COL5A2: variants seen among roughly 807,000 people sequenced by gnomAD.
COL5A2 encodes collagen type V alpha 2 chain.
Under a neutral mutation model 208.2 loss-of-function variants are expected in COL5A2, and 23 were observed. The observed-to-expected ratio is 0.11, with a 90% confidence interval of 0.08 to 0.16. The LOEUF is 0.16. Ranked by LOEUF, COL5A2 falls within the 10% of genes least tolerant of loss-of-function variation. The pLI, the probability that COL5A2 is intolerant of heterozygous loss-of-function variation, is 1.00. For missense variants in COL5A2, 1,590 were observed against 1,956.4 expected (o/e 0.81, Z 3.53); for synonymous variants, 625 against 628.5 (o/e 0.99, Z 0.08).
intron 1 of COL5A2, among the ~76,000 whole-genome samples, chr2:189,223,520 G>T (rs549847252): frequency 1.3e-5 from 2 of 152,288 alleles, no homozygotes; most frequent in African/African-American, 4.8e-5. Context: ...ACATGCACAA[G>T]AATATTTATA....
chr2:189,289,590 A>T, the COL5A2 span, among the ~76,000 whole-genome samples: 2 of 152,184 alleles, frequency 1.3e-5, no homozygotes, highest in African/African-American at 4.8e-5. Context: ...AGAGAAGTTA[A>T]ATCATTCCTG....
Position 189,036,942 on chromosome 2 carries a change from A to G in COL5A2, c.3926-139T>C, listed in dbSNP as rs149056709. 3.9e-3 allele frequency: 2,770 copies of G among 716,406 alleles called. 64 individuals carry two copies. The African/African-American group carries it at 0.04, about 10-fold the overall frequency. 44.4% of individuals were successfully genotyped at this position (716,406 alleles called of 1,614,324 possible). A position where few individuals can be genotyped will look rare whatever the true frequency, so the allele number is the denominator to read the frequency against. ...TTTAAGTGAGAGTGCCCCTTACGAA[A>G]AAAGTAACCGGTATGCATTGGGGGC... On this transcript the variant is annotated intron_variant, in intron 51 of 53. Transcript: ENST00000374866.
At chr2:189,438,337 T>C in the COL5A2 span, among the ~76,000 whole-genome samples, 2 of 152,240 alleles carry the variant, frequency 1.3e-5, no homozygotes, top group Admixed American at 1.3e-4. Context: ...CATACACTTA[T>C]GATTTGAGCA....
At chr2:189,289,421 T>C in the COL5A2 span, among the ~76,000 whole-genome samples, 1 of 152,140 alleles carries the variant, frequency 6.6e-6, no homozygotes, top group East Asian at 1.9e-4. Flanking sequence ...GGCTCACTTC[T>C]AACATCATAC....
chr2:189,425,323 T>C, the COL5A2 span, among the ~76,000 whole-genome samples: 1 of 152,110 alleles, frequency 6.6e-6, no homozygotes, highest in Non-Finnish European at 1.5e-5. Context: ...ATGAAACTAT[T>C]ATATGATCGA....
chr2:189,153,970 C>G (rs1294325443), intron 1 of COL5A2, among the ~76,000 whole-genome samples: 5 of 152,102 alleles, frequency 3.3e-5, no homozygotes, highest in Non-Finnish European at 7.4e-5. Flanking sequence ...TTCCAATATT[C>G]CCTGGCTATG....
At chr2:189,256,335 C>T in the COL5A2 span, among the ~76,000 whole-genome samples, 1 of 152,164 alleles carries the variant, frequency 6.6e-6, no homozygotes, top group Admixed American at 6.5e-5. Context: ...TTATACTCTG[C>T]AGTGCTATTT....
At chr2:189,414,536 G>T in the COL5A2 span, among the ~76,000 whole-genome samples, 3 of 152,010 alleles carry the variant, frequency 2.0e-5, no homozygotes, top group Middle Eastern at 3.4e-3. Flanking sequence ...ATCACTTTAG[G>T]TCAGGAGTTC....
chr2:189,423,339 A>G, the COL5A2 span, among the ~76,000 whole-genome samples: 1 of 152,018 alleles, frequency 6.6e-6, no homozygotes, highest in South Asian at 2.1e-4. Flanking sequence ...CTAAAAAAAT[A>G]GGAAAAAATT....
intron 50 of COL5A2, among the ~76,000 whole-genome samples, chr2:189,040,165 T>C (rs1363797017): frequency 6.6e-6 from 1 of 152,122 alleles, no homozygotes; most frequent in Non-Finnish European, 1.5e-5. Flanking sequence ...AGTATTGGTT[T>C]TTAGAGACAG....
At chr2:189,242,391 G>T in the COL5A2 span, among the ~76,000 whole-genome samples, 1 of 152,126 alleles carries the variant, frequency 6.6e-6, no homozygotes, top group Non-Finnish European at 1.5e-5. Flanking sequence ...AAGCTGTCTT[G>T]CTCACAGCTA....
the COL5A2 span, among the ~76,000 whole-genome samples, chr2:189,407,439 G>A: frequency 2.3e-4 from 35 of 151,668 alleles, no homozygotes; most frequent in African/African-American, 7.7e-4. Flanking sequence ...AATACCTAAA[G>A]AGAGGTTCCC....
chr2:189,376,675 TG>T, the COL5A2 span, among the ~76,000 whole-genome samples: 2 of 152,326 alleles, frequency 1.3e-5, no homozygotes, highest in Admixed American at 1.3e-4. Context: ...ATATTATCTA[TG>T]CAGTTGTAAG....
At chr2:189,341,489 A>T in the COL5A2 span, among the ~76,000 whole-genome samples, 2 of 152,216 alleles carry the variant, frequency 1.3e-5, no homozygotes, top group Non-Finnish European at 2.9e-5. Context: ...GTAAAAGCAA[A>T]TATCAGTTTT....
In COL5A2 at chr2:189,120,345, A is replaced by G. The variant is rs541333305; in HGVS notation, c.98-9896T>C. Among the ~76,000 whole-genome samples, 126 of 152,246 alleles carry G rather than the reference A, an allele frequency of 8.3e-4. 4 individuals carry two copies. The South Asian group carries it at 0.024, about 29-fold the overall frequency. On this transcript the variant is annotated intron_variant, in intron 1 of 53. Transcript: ENST00000374866. The stretch of plus-strand genomic sequence containing the variant: ...CTATTTTTTCATTTCTCTAACCTAT[A>G]TGTATCCTGGGGCCTTTTGAATTAT...
chr2:189,305,832 A>C, the COL5A2 span, among the ~76,000 whole-genome samples: 3 of 144,842 alleles, frequency 2.1e-5, no homozygotes, highest in African/African-American at 7.5e-5. Context: ...AAAAAAAAAA[A>C]CTAGACATAT....
intron 1 of COL5A2, among the ~76,000 whole-genome samples, chr2:189,177,365 C>G (rs1051111669): frequency 2.6e-5 from 4 of 152,094 alleles, no homozygotes; most frequent in African/African-American, 9.7e-5. Flanking sequence ...TAGGCCTGAA[C>G]AGGAAAAAGA....
At chr2:189,084,272 A>G (rs1262110464) in intron 11 of COL5A2, among the ~76,000 whole-genome samples, 1 of 152,204 alleles carries the variant, frequency 6.6e-6, no homozygotes, top group African/African-American at 2.4e-5. Context: ...AGAAGAATAA[A>G]TTGTTGAAAA....
the COL5A2 span, among the ~76,000 whole-genome samples, chr2:189,275,935 A>C: frequency 6.6e-6 from 1 of 152,188 alleles, no homozygotes; most frequent in Non-Finnish European, 1.5e-5. Flanking sequence ...AAATACAAAA[A>C]AATACAGAAA....
Sources: allele counts gnomAD v4.1 joint callset (sites outside exome capture counted in the v4.1 genomes callset), GRCh38; gene constraint gnomAD v4.1.1; transcripts MANE v1.5; gene names NCBI Gene and HGNC (gene_info 2026-07-23, HGNC 2026-07-21).